Variants in NOS1 observed in about 807,000 individuals in gnomAD.
NOS1 encodes nitric oxide synthase 1.
A neutral mutation model predicts 164.5 loss-of-function variants in NOS1; 51 were observed. The ratio of observed to expected loss-of-function variants is 0.31; its 90% CI spans 0.25 to 0.39. NOS1 has a LOEUF of 0.39. Among genes scored for constraint, NOS1 ranks in the 10% least tolerant of loss-of-function variants. The pLI is 1.00. For synonymous variants in NOS1, 719 were observed against 745.8 expected (o/e 0.96, Z 0.59); for missense variants, 1,362 against 1,885.6 (o/e 0.72, Z 5.14).
intron 6 of NOS1, among the ~76,000 whole-genome samples, chr12:117,285,692 CT>C (rs1264622836): frequency 1.3e-5 from 2 of 152,120 alleles, no homozygotes; most frequent in African/African-American, 4.8e-5. Flanking sequence ...CAAAACCCCC[CT>C]GATCTTGATA....
At position 117,334,137 on chromosome 12, in the gene NOS1, T is replaced by C. The variant is rs367915308; in HGVS notation, c.-420-2648A>G. Among the ~76,000 whole-genome samples the C allele has an allele frequency of 6.7e-4, 102 of 152,258 alleles. 1 individual carries two copies. The highest frequency in any genetic ancestry group is 2.5e-3 in the African/African-American group (102 of 41,556). ...AAAAAAGAAAACAGAAATGAAGCAA[T>C]TGGCAACAGCCCCTGGCCACTCTCA... On this transcript the variant is annotated intron_variant, in intron 1 of 28. Coordinates refer to ENST00000317775, the MANE Select transcript of NOS1 (RefSeq NM_000620.5).
chr12:117,327,838 C>T (rs1875331212), intron 2 of NOS1, among the ~76,000 whole-genome samples: 1 of 152,126 alleles, frequency 6.6e-6, no homozygotes, highest in Admixed American at 6.5e-5. Flanking sequence ...AGGCCAGTGA[C>T]CCTGGTTTCC....
intron 17 of NOS1, among the ~76,000 whole-genome samples, chr12:117,248,941 T>C (rs1436949465): frequency 6.6e-6 from 1 of 152,226 alleles, no homozygotes; most frequent in Admixed American, 6.5e-5. Flanking sequence ...ATTTCTCTGA[T>C]GGCCAGTGAT....
rs1441941000 is a variant in NOS1 at position 117,210,764 on chromosome 12, T to C, written c.*4545A>G. 1 of 985,256 alleles carries C rather than the reference T, an allele frequency of 1.0e-6. No homozygotes were observed. The highest frequency in any genetic ancestry group is 1.1e-4 in the East Asian group (1 of 8,816). 61.0% of individuals were successfully genotyped at this position (985,256 alleles called of 1,614,324 possible). A position where few individuals can be genotyped will look rare whatever the true frequency, so the allele number is the denominator to read the frequency against. ...GTTTGGTCAGAAGATTCTGTGTTCTTAGCCAATGTCTACTGGCTGGGGGTC... is the reference window on the plus strand; with the variant it reads ...GTTTGGTCAGAAGATTCTGTGTTCTCAGCCAATGTCTACTGGCTGGGGGTC... On this transcript the variant is annotated 3_prime_UTR_variant, in exon 29 of 29. Coordinates refer to ENST00000317775, the MANE Select transcript of NOS1 (RefSeq NM_000620.5).
At chr12:117,328,834 T>C (rs999402321) in intron 2 of NOS1, among the ~76,000 whole-genome samples, 2 of 152,226 alleles carry the variant, frequency 1.3e-5, no homozygotes, top group African/African-American at 4.8e-5. Flanking sequence ...CATTAGGCAA[T>C]TCAGTGATTG....
Position 117,269,007 on chromosome 12 carries a change from C to T in NOS1, c.1840-863G>A, listed in dbSNP as rs138276031. Among the ~76,000 whole-genome samples, 8 of 152,200 alleles carry T rather than the reference C, an allele frequency of 5.3e-5. No homozygotes were observed. In the East Asian group the frequency reaches 1.4e-3, roughly 26 times the overall value. On this transcript the variant is annotated intron_variant, in intron 10 of 28. Transcript: ENST00000317775. ...TACCAGCAGCAGGAAACTAGAGACT[C>T]GGCTGGCCCTTTAATTACTAATCTT...
rs115535170 is a variant in NOS1 at position 117,355,778 on chromosome 12, G to A, written c.-421+5734C>T. Among the ~76,000 whole-genome samples, 603 of 152,162 alleles carry A rather than the reference G, an allele frequency of 4.0e-3. 5 individuals are homozygous for A. Among genetic ancestry groups the A allele is most frequent in the African/African-American group, 0.014 (579 of 41,508 alleles). On this transcript the variant is annotated intron_variant, in intron 1 of 28. Coordinates refer to ENST00000317775, the MANE Select transcript of NOS1 (RefSeq NM_000620.5). ...TTAATGAATTAATTTATGTATTTTC[G>A]AGACAGGTTCTGGCTCTGTTACCCA...
At chr12:117,216,528 G>A (rs1450412767) in intron 28 of NOS1, among the ~76,000 whole-genome samples, 1 of 150,912 alleles carries the variant, frequency 6.6e-6, no homozygotes, top group East Asian at 2.0e-4. Flanking sequence ...CCTAGGCTGG[G>A]GTGCAGTGGT....
intron 1 of NOS1, among the ~76,000 whole-genome samples, chr12:117,337,104 CTCT>C (rs1875859250): frequency 8.5e-5 from 8 of 94,124 alleles, no homozygotes; most frequent in South Asian, 4.0e-4. Context: ...CTGCTTTTTA[CTCT>C]TTTTTTTTTT....
intron 14 of NOS1, among the ~76,000 whole-genome samples, chr12:117,259,845 T>C (rs964337134): frequency 3.3e-5 from 5 of 150,366 alleles, no homozygotes; most frequent in East Asian, 4.0e-4. Context: ...GCTGGCCGGG[T>C]GCGGTGGCTC....
intron 6 of NOS1, among the ~76,000 whole-genome samples, chr12:117,285,703 A>G (rs1874066925): frequency 6.6e-6 from 1 of 152,186 alleles, no homozygotes; most frequent in Admixed American, 6.5e-5. Flanking sequence ...TGATCTTGAT[A>G]ACAAATCTAC....
chr12:117,296,661 T>C (rs1360440950), intron 3 of NOS1, among the ~76,000 whole-genome samples: 1 of 152,224 alleles, frequency 6.6e-6, no homozygotes, highest in Non-Finnish European at 1.5e-5. Context: ...AAACTCTTTA[T>C]ATATACATCT....
At chr12:117,321,601 A>T (rs1292090967) in intron 2 of NOS1, among the ~76,000 whole-genome samples, 2 of 152,122 alleles carry the variant, frequency 1.3e-5, no homozygotes, top group African/African-American at 4.8e-5. Context: ...GTGGATGGGG[A>T]GCTGCTTACG....
intron 16 of NOS1, chr12:117,256,005 T>C (rs1165783880): frequency 6.1e-6 from 9 of 1,467,572 alleles, no homozygotes; most frequent in Non-Finnish European, 8.1e-6. Context: ...GGGAGGCCCT[T>C]TACGGGGAAA....
intron 3 of NOS1, among the ~76,000 whole-genome samples, chr12:117,305,314 A>G (rs536565623): frequency 2.0e-5 from 3 of 152,120 alleles, no homozygotes; most frequent in Admixed American, 2.0e-4. Flanking sequence ...TACAAAAAAA[A>G]TTAGCCGGAC....
chr12:117,252,351 G>A (rs1369490742), intron 17 of NOS1, among the ~76,000 whole-genome samples: 1 of 152,148 alleles, frequency 6.6e-6, no homozygotes, highest in Non-Finnish European at 1.5e-5. Flanking sequence ...TAGCTCATGG[G>A]TTGTAAAAAA....
chr12:117,233,423 C>T (rs1869431767), intron 21 of NOS1, among the ~76,000 whole-genome samples: 2 of 151,910 alleles, frequency 1.3e-5, no homozygotes, highest in South Asian at 2.1e-4. Context: ...GTCTCGAACT[C>T]CTGGGCTCAA....
At position 117,306,210 on chromosome 12, in the gene NOS1, T is replaced by C. The variant is rs11068443; in HGVS notation, c.852+5256A>G. ...ATCAGTCATGCTCCCAGGAACTCTC[T>C]AGGCTAAAACTGCTCGGCACACTTA... On this transcript the variant is annotated intron_variant, in intron 3 of 28. Coordinates refer to ENST00000317775, the MANE Select transcript of NOS1 (RefSeq NM_000620.5). Among the ~76,000 whole-genome samples, 1,176 of 152,258 alleles carry C rather than the reference T, an allele frequency of 7.7e-3. 9 individuals are homozygous for C. The highest frequency in any genetic ancestry group is 0.02 in the East Asian group (106 of 5,184).
At chr12:117,322,666 C>A (rs557957198) in intron 2 of NOS1, among the ~76,000 whole-genome samples, 2 of 129,968 alleles carry the variant, frequency 1.5e-5, no homozygotes, top group South Asian at 5.4e-4. Context: ...TCCCTCCTTC[C>A]GTCCCTGCTT....
Sources: allele counts gnomAD v4.1 joint callset (sites outside exome capture counted in the v4.1 genomes callset), GRCh38; gene constraint gnomAD v4.1.1; transcripts MANE v1.5; gene names NCBI Gene and HGNC (gene_info 2026-07-23, HGNC 2026-07-21).